TNFRSF21: variants seen among roughly 807,000 people sequenced by gnomAD.
TNFRSF21 encodes TNF receptor superfamily member 21.
Under a neutral mutation model 45.6 loss-of-function variants are expected in TNFRSF21, and 19 were observed. The ratio of observed to expected loss-of-function variants is 0.42; its 90% CI spans 0.29 to 0.61. The LOEUF (loss-of-function observed/expected upper bound fraction) is 0.61. Ranked by LOEUF, TNFRSF21 falls within the 20% of genes least tolerant of loss-of-function variation. The pLI is 0.23. For synonymous variants in TNFRSF21, 314 were observed against 335.5 expected (o/e 0.94, Z 0.70); for missense variants, 737 against 851.5 (o/e 0.87, Z 1.67).
chr6:47,250,481 G>C (rs1463497108), intron 4 of TNFRSF21, among the ~76,000 whole-genome samples: 1 of 152,166 alleles, frequency 6.6e-6, no homozygotes, highest in Non-Finnish European at 1.5e-5. Flanking sequence ...ATGGCTAATA[G>C]GCCACCATGG....
chr6:47,288,769 G>C (rs887875630), intron 1 of TNFRSF21, among the ~76,000 whole-genome samples: 1 of 152,168 alleles, frequency 6.6e-6, no homozygotes, highest in Non-Finnish European at 1.5e-5. Flanking sequence ...TTTTTCAGAC[G>C]CTTTGCCTAC....
In TNFRSF21 at chr6:47,309,593, C is replaced by G. The variant is rs45499096; in HGVS notation, c.-82G>C. Reference sequence around the variant, plus strand: ...GGCTGCTTCTGCCCAGCGCCGCATCCACCGCCGCCTCCCGGGCCGGGAGCC... The same window carrying G: ...GGCTGCTTCTGCCCAGCGCCGCATCGACCGCCGCCTCCCGGGCCGGGAGCC... On this transcript the variant is annotated 5_prime_UTR_variant, in exon 1 of 6. Transcript: ENST00000296861. 27,575 of 1,369,196 alleles carry G rather than the reference C, an allele frequency of 0.02. 362 individuals carry two copies. Among genetic ancestry groups the G allele is most frequent in the Non-Finnish European group, 0.023 (24,220 of 1,070,134 alleles). The allele number at this position is 1,369,196 out of a possible 1,614,324, so 84.8% of individuals were successfully genotyped here.
chr6:47,259,897 G>C (rs964015975), intron 3 of TNFRSF21, among the ~76,000 whole-genome samples: 2 of 152,206 alleles, frequency 1.3e-5, no homozygotes, highest in Non-Finnish European at 2.9e-5. Flanking sequence ...TCAAACTCCA[G>C]ATTTGTGACT....
intron 1 of TNFRSF21, among the ~76,000 whole-genome samples, chr6:47,293,176 C>G (rs1002992342): frequency 6.6e-6 from 1 of 152,210 alleles, no homozygotes; most frequent in Non-Finnish European, 1.5e-5. Context: ...TGCTGATGGC[C>G]ACTTAAGTGT....
At chr6:47,241,116 G>A (rs960865613) in intron 4 of TNFRSF21, among the ~76,000 whole-genome samples, 3 of 152,112 alleles carry the variant, frequency 2.0e-5, no homozygotes. Context: ...TGCCAGAAAA[G>A]TATTTCTTGA....
intron 4 of TNFRSF21, among the ~76,000 whole-genome samples, chr6:47,238,764 T>G (rs1273681782): frequency 6.6e-6 from 1 of 152,224 alleles, no homozygotes; most frequent in Non-Finnish European, 1.5e-5. Context: ...ATGGATTAGG[T>G]AAACAGACTA....
intron 3 of TNFRSF21, among the ~76,000 whole-genome samples, chr6:47,257,604 G>A (rs1463745505): frequency 6.6e-6 from 1 of 152,194 alleles, no homozygotes; most frequent in African/African-American, 2.4e-5. Context: ...GCAGGAGGAC[G>A]ATTTGCCAAA....
At chr6:47,286,774 T>G (rs1762655879) in intron 1 of TNFRSF21, among the ~76,000 whole-genome samples, 179 bp from the exon 2 acceptor site, 1 of 152,194 alleles carries the variant, frequency 6.6e-6, no homozygotes, top group African/African-American at 2.4e-5. Context: ...AAACGAAGAC[T>G]TGGATCCCAC....
intron 3 of TNFRSF21, among the ~76,000 whole-genome samples, chr6:47,259,523 C>T (rs1426671968): frequency 2.0e-5 from 3 of 152,152 alleles, no homozygotes; most frequent in Non-Finnish European, 4.4e-5. Context: ...TACATGTGTG[C>T]ACCACCAGGC....
At chr6:47,235,097 T>C (rs1305956160) in intron 4 of TNFRSF21, among the ~76,000 whole-genome samples, 199 bp from the exon 5 acceptor site, 3 of 152,120 alleles carry the variant, frequency 2.0e-5, no homozygotes, top group Non-Finnish European at 2.9e-5. Context: ...AGTGAGGATA[T>C]GCATGAGTAC....
intron 4 of TNFRSF21, among the ~76,000 whole-genome samples, chr6:47,245,125 C>T (rs1764803927): frequency 1.3e-5 from 2 of 148,838 alleles, no homozygotes. Context: ...GAAATGTCAT[C>T]CACTAACAGA....
At position 47,309,568 on chromosome 6, in the gene TNFRSF21, G is replaced by C. The variant is rs532974657; in HGVS notation, c.-57C>G. 1 of 1,389,516 alleles carries C rather than the reference G, an allele frequency of 7.2e-7. No homozygotes were observed. Among genetic ancestry groups the C allele is most frequent in the Non-Finnish European group, 9.2e-7 (1 of 1,081,828 alleles). 86.1% of individuals were successfully genotyped at this position (1,389,516 alleles called of 1,614,324 possible). A position where few individuals can be genotyped will look rare whatever the true frequency, so the allele number is the denominator to read the frequency against. ...GGCGCGCGGGGCAGCTGGAATCGGCGGCTGCTTCTGCCCAGCGCCGCATCC... is the reference window on the plus strand; with the variant it reads ...GGCGCGCGGGGCAGCTGGAATCGGCCGCTGCTTCTGCCCAGCGCCGCATCC... On this transcript the variant is annotated 5_prime_UTR_variant, in exon 1 of 6. Coordinates refer to ENST00000296861, the MANE Select transcript of TNFRSF21 (RefSeq NM_014452.5).
intron 3 of TNFRSF21, among the ~76,000 whole-genome samples, chr6:47,265,372 TTTTTG>T (rs371920954): frequency 1.8e-4 from 27 of 150,276 alleles, no homozygotes; most frequent in African/African-American, 3.9e-4. Flanking sequence ...GAGCACAGTT[TTTTTG>T]TTTTGTTTTG....
intron 1 of TNFRSF21, 24 bp downstream of exon 1, chr6:47,309,391 AC>A: frequency 2.6e-6 from 4 of 1,519,638 alleles, no homozygotes; most frequent in Admixed American, 2.0e-5. Context: ...CGCCGCCGCC[AC>A]CCCCGGTCCA....
At chr6:47,266,185 G>A (rs1762330760) in intron 3 of TNFRSF21, among the ~76,000 whole-genome samples, 1 of 152,194 alleles carries the variant, frequency 6.6e-6, no homozygotes, top group Non-Finnish European at 1.5e-5. Context: ...TAGAAAGAGG[G>A]AGAAGTCTGC....
At chr6:47,263,496 G>A (rs1310379862) in intron 3 of TNFRSF21, among the ~76,000 whole-genome samples, 1 of 152,152 alleles carries the variant, frequency 6.6e-6, no homozygotes, top group Non-Finnish European at 1.5e-5. Flanking sequence ...ACTGTTTAGA[G>A]GTCAGGAAAA....
chr6:47,298,997 T>C (rs1375061884), intron 1 of TNFRSF21, among the ~76,000 whole-genome samples: 1 of 152,196 alleles, frequency 6.6e-6, no homozygotes. Context: ...CAGAACATAC[T>C]AATGTAGTTC....
At chr6:47,309,250 G>A (rs531244746) in intron 1 of TNFRSF21, among the ~76,000 whole-genome samples, 166 bp downstream of exon 1, 156 of 152,274 alleles carry the variant, frequency 1.0e-3, no homozygotes, top group Non-Finnish European at 1.9e-3. Flanking sequence ...ACCTAGTCGA[G>A]GCCCTCTGGT....
At position 47,263,852 on chromosome 6, in the gene TNFRSF21, T is replaced by C. The variant is rs149697288; in HGVS notation, c.1244-10331A>G. 9.8e-5 allele frequency among the ~76,000 whole-genome samples: 15 copies of C among 152,350 alleles called. No individual in the cohort carries two copies. In the East Asian group the frequency reaches 2.9e-3, roughly 29 times the overall value. On this transcript the variant is annotated intron_variant, in intron 3 of 5. Coordinates refer to ENST00000296861, the MANE Select transcript of TNFRSF21 (RefSeq NM_014452.5). ...TAGTGGTATATAAAAGAGTGGTATG[T>C]CTCACAATTAATTGTGTGTCAGATT...
Sources: allele counts gnomAD v4.1 joint callset (sites outside exome capture counted in the v4.1 genomes callset), GRCh38; gene constraint gnomAD v4.1.1; transcripts MANE v1.5; gene names NCBI Gene and HGNC (gene_info 2026-07-23, HGNC 2026-07-21).